The following SEMA3A variants were observed in gnomAD, a reference collection of about 807,000 sequenced individuals.
The protein encoded by SEMA3A is semaphorin 3A.
In SEMA3A, 29 loss-of-function variants were observed where a neutral mutation model predicts 97.9. The ratio of observed to expected loss-of-function variants is 0.30; its 90% CI spans 0.22 to 0.40. The LOEUF is 0.40. Ranked by LOEUF, SEMA3A falls within the 10% of genes least tolerant of loss-of-function variation. The pLI is 1.00. For synonymous variants in SEMA3A, 321 were observed against 323.7 expected, an observed-to-expected ratio of 0.99 and a Z score of 0.09; for missense variants, 763 against 951.3, an observed-to-expected ratio of 0.80 and a Z score of 2.60.
intron 1 of SEMA3A, among the ~76,000 whole-genome samples, chr7:84,432,205 A>G (rs1804997884): frequency 6.6e-6 from 1 of 152,140 alleles, no homozygotes; most frequent in South Asian, 2.1e-4. Context: ...GAATGTTTTA[A>G]TGTAGAAGTG....
chr7:84,037,146 G>GC (rs1289026510), intron 6 of SEMA3A, among the ~76,000 whole-genome samples: 3 of 142,712 alleles, frequency 2.1e-5, no homozygotes, highest in Admixed American at 1.4e-4. Flanking sequence ...AAACAGCTAA[G>GC]TTTTTTTTCT....
At chr7:84,237,104 A>G (rs571924677) in intron 3 of SEMA3A, among the ~76,000 whole-genome samples, 39 of 152,312 alleles carry the variant, frequency 2.6e-4, no homozygotes, top group Admixed American at 5.2e-4. Flanking sequence ...TAGTGAAAAC[A>G]TATTTTTAAA....
chr7:84,117,963 T>A (rs1795486044), intron 3 of SEMA3A, among the ~76,000 whole-genome samples: 1 of 152,232 alleles, frequency 6.6e-6, no homozygotes, highest in Non-Finnish European at 1.5e-5. Flanking sequence ...ATTCTTAAAA[T>A]AATTAAACTT....
intron 2 of SEMA3A, among the ~76,000 whole-genome samples, chr7:84,358,650 G>A (rs1344031252): frequency 1.3e-5 from 2 of 152,114 alleles, no homozygotes; most frequent in African/African-American, 4.8e-5. Flanking sequence ...GAACTTTAAA[G>A]TAGTTTTTTC....
intron 1 of SEMA3A, among the ~76,000 whole-genome samples, chr7:84,141,989 C>T (rs1047027118): frequency 4.6e-5 from 7 of 152,158 alleles, no homozygotes; most frequent in Non-Finnish European, 1.0e-4. Flanking sequence ...AGCTCCCATA[C>T]TTCTAGACCC....
upstream of SEMA3A, chr7:84,194,812 A>T: frequency 3.1e-6 from 1 of 327,698 alleles, no homozygotes; most frequent in Non-Finnish European, 5.5e-6. Context: ...AAAAAAAAAA[A>T]ATTCCGAGCC....
chr7:84,395,644 A>G (rs1355200657), intron 1 of SEMA3A, among the ~76,000 whole-genome samples: 1 of 151,890 alleles, frequency 6.6e-6, no homozygotes, highest in Non-Finnish European at 1.5e-5. Flanking sequence ...TCTTCTCAAG[A>G]TAGTGTGTGA....
Position 84,407,439 on chromosome 7 carries a change from A to T in SEMA3A, c.-245-35539T>A, listed in dbSNP as rs572484886. Among the ~76,000 whole-genome samples, 106 of 152,220 alleles carry T rather than the reference A, an allele frequency of 7.0e-4. 1 individual carries two copies. The highest frequency in any genetic ancestry group is 2.4e-3 in the African/African-American group (98 of 41,540). On this transcript the variant is annotated intron_variant, in intron 1 of 3. Transcript: ENST00000424555. Reference sequence around the variant, plus strand: ...ACATTCCATGCTCATGGGTAGGAAGAATCAATATCGTGAAAATGGTCATAC... The same window carrying T: ...ACATTCCATGCTCATGGGTAGGAAGTATCAATATCGTGAAAATGGTCATAC...
chr7:84,340,703 C>A (rs1802143388), intron 2 of SEMA3A, among the ~76,000 whole-genome samples: 1 of 150,230 alleles, frequency 6.7e-6, no homozygotes, highest in Non-Finnish European at 1.5e-5. Flanking sequence ...TGGCTTGAAC[C>A]CAGGAGGCAG....
At chr7:84,073,807 T>C (rs1029184783) in intron 4 of SEMA3A, among the ~76,000 whole-genome samples, 19 of 150,178 alleles carry the variant, frequency 1.3e-4, no homozygotes, top group African/African-American at 4.7e-4. Flanking sequence ...TTTCTCAACA[T>C]CTGTTGCATC....
In SEMA3A at chr7:84,338,785, A is replaced by G. The variant is rs528140437; in HGVS notation, c.-168-31493T>C. ...GAAAAAATTTAGAAGCTTGAAGAAT[A>G]AAAGACCAATTTGCCAATGTAGTTT... On this transcript the variant is annotated intron_variant, in intron 2 of 3. Coordinates refer to the SEMA3A transcript ENST00000424555. Among the ~76,000 whole-genome samples, 16 of 152,302 alleles carry G rather than the reference A, an allele frequency of 1.1e-4. 1 individual carries two copies. Among genetic ancestry groups the G allele is most frequent in the African/African-American group, 3.6e-4 (15 of 41,570 alleles).
At position 84,314,040 on chromosome 7, in the gene SEMA3A, A is replaced by T. The variant is rs113088319; in HGVS notation, c.-168-6748T>A. On this transcript the variant is annotated intron_variant, in intron 2 of 3. Coordinates refer to the SEMA3A transcript ENST00000424555. ...TTATGATAGCAAGGTCTTGAAGTGT[A>T]TGCCCAAATGTGACTTATGGTGAGT... Among the ~76,000 whole-genome samples the T allele has an allele frequency of 3.3e-5, 5 of 152,226 alleles. 1 individual carries two copies. The highest frequency in any genetic ancestry group is 1.2e-4 in the African/African-American group (5 of 41,570).
At chr7:84,185,186 T>C (rs1401580429) in intron 1 of SEMA3A, among the ~76,000 whole-genome samples, 3 of 152,238 alleles carry the variant, frequency 2.0e-5, no homozygotes, top group Non-Finnish European at 4.4e-5. Context: ...CATGAATTTA[T>C]GTATTTCTTT....
intron 3 of SEMA3A, among the ~76,000 whole-genome samples, chr7:84,304,218 A>T (rs892480169): frequency 6.6e-6 from 1 of 152,178 alleles, no homozygotes; most frequent in Non-Finnish European, 1.5e-5. Flanking sequence ...AAATAGATTC[A>T]TAACATGAAG....
chr7:84,416,579 C>T (rs980129040), intron 1 of SEMA3A, among the ~76,000 whole-genome samples: 9 of 152,032 alleles, frequency 5.9e-5, no homozygotes, highest in African/African-American at 1.9e-4. Context: ...TGCTAATCAG[C>T]ATCCATAAAA....
chr7:84,057,159 C>G (rs374345206), intron 5 of SEMA3A, among the ~76,000 whole-genome samples: 24 of 152,276 alleles, frequency 1.6e-4, no homozygotes, highest in Admixed American at 1.2e-3. Flanking sequence ...AGGATATAAA[C>G]TTAGCTAAAA....
Position 84,290,428 on chromosome 7 carries a change from A to C in SEMA3A, c.-83+16779T>G, listed in dbSNP as rs1324438101. Among the ~76,000 whole-genome samples, 8 of 149,064 alleles carry C rather than the reference A, an allele frequency of 5.4e-5. No individual in the cohort carries two copies. In the East Asian group the frequency reaches 1.8e-3, roughly 33 times the overall value. On this transcript the variant is annotated intron_variant, in intron 3 of 3. Transcript: ENST00000424555. ...CTCTTTTCATTTTTAGATTTTACAC[A>C]TTTAAAAGTTGTTTTTTTTTTCCTA...
chr7:84,402,129 A>C (rs1803921648), intron 1 of SEMA3A, among the ~76,000 whole-genome samples: 1 of 152,200 alleles, frequency 6.6e-6, no homozygotes. Context: ...AATATAAGGA[A>C]GTCAAACCAT....
In SEMA3A at chr7:84,382,739, G is replaced by A. The variant is rs988160836; in HGVS notation, c.-245-10839C>T. Among the ~76,000 whole-genome samples, 13 of 149,564 alleles carry A rather than the reference G, an allele frequency of 8.7e-5. No individual in the cohort carries two copies. The South Asian group carries it at 1.5e-3, about 17-fold the overall frequency. On this transcript the variant is annotated intron_variant, in intron 1 of 3. Transcript: ENST00000424555. Reference sequence around the variant, plus strand: ...AAAAAAAAAAAAAAAATAGCCAGGCGTGGTGGTGGGTGCCTGTAGTTCCAG... The same window carrying A: ...AAAAAAAAAAAAAAAATAGCCAGGCATGGTGGTGGGTGCCTGTAGTTCCAG...
Sources: gnomAD v4.1 joint callset for allele counts (sites outside exome capture counted in the v4.1 genomes callset) on GRCh38, gnomAD v4.1.1 for gene constraint, MANE v1.5 for transcripts, NCBI Gene and HGNC (gene_info 2026-07-23, HGNC 2026-07-21) for gene names.